PIGN: variants seen among roughly 807,000 people sequenced by gnomAD.
PIGN encodes the protein GPI ethanolamine phosphate transferase 1.
In PIGN, 117 loss-of-function variants were observed where a neutral mutation model predicts 125.4. That is an observed-to-expected ratio of 0.93 (90% CI 0.80 to 1.09). PIGN has a LOEUF of 1.09. PIGN is among the 50% of genes least tolerant of loss of function. PIGN has a pLI of 0.00. For missense variants in PIGN, 1,075 were observed against 1,094.9 expected (o/e 0.98, Z 0.26); for synonymous variants, 392 against 377.8 (o/e 1.04, Z -0.44).
chr18:62,069,799 G>A (rs899940432), intron 30 of PIGN: 1 of 152,164 alleles, frequency 6.6e-6, no homozygotes, highest in African/African-American at 2.4e-5. Flanking sequence ...CCATGTGAAT[G>A]TATACTTAAT....
intron 8 of PIGN, among the ~76,000 whole-genome samples, chr18:62,148,007 C>T (rs978393326): frequency 2.0e-5 from 3 of 151,860 alleles, no homozygotes; most frequent in East Asian, 1.9e-4. Flanking sequence ...ATATATTTTA[C>T]TTATATTAAT....
intron 23 of PIGN, among the ~76,000 whole-genome samples, chr18:62,023,505 C>G (rs2030079162): frequency 6.6e-6 from 1 of 152,216 alleles, no homozygotes; most frequent in African/African-American, 2.4e-5. Context: ...TTCCTCATTT[C>G]TGTCAATAAA....
rs2033572752 is a variant in PIGN, at chr18:62,084,029, C to T, written c.2502+502G>A. 2.0e-5 allele frequency among the ~76,000 whole-genome samples: 3 copies of T among 152,128 alleles called. No individual in the cohort carries two copies. The South Asian group carries it at 6.2e-4, about 32-fold the overall frequency. ...AGAGAAGAAGAACATGAATTACATT[C>T]TAATGAAGAATCTGAACCCCTGGAA... On this transcript the variant is annotated intron_variant, in intron 27 of 30. Transcript: ENST00000640252.
intron 1 of PIGN, among the ~76,000 whole-genome samples, chr18:62,181,106 C>T (rs920215290): frequency 1.3e-5 from 2 of 152,090 alleles, no homozygotes; most frequent in African/African-American, 4.8e-5. Context: ...GTAGAATTTA[C>T]TATGATAAAA....
intron 1 of PIGN, chr18:62,184,437 T>C (rs1415710792): frequency 6.6e-6 from 1 of 152,206 alleles, no homozygotes; most frequent in East Asian, 1.9e-4. Context: ...TGATCGGTAA[T>C]TTTTAATATT....
At chr18:62,093,207 A>G (rs2034042585) in intron 23 of PIGN, among the ~76,000 whole-genome samples, 1 of 152,108 alleles carries the variant, frequency 6.6e-6, no homozygotes, top group South Asian at 2.1e-4. Flanking sequence ...CTAATATTTA[A>G]AAACATAAAT....
At chr18:62,056,028 G>T (rs2031696658) in intron 30 of PIGN, among the ~76,000 whole-genome samples, 1 of 135,276 alleles carries the variant, frequency 7.4e-6, no homozygotes, top group Non-Finnish European at 1.6e-5. Context: ...TTAAGTTGGT[G>T]CAAAAGTAAT....
At chr18:62,099,128 T>C (rs553043982) in intron 22 of PIGN, among the ~76,000 whole-genome samples, 33 of 152,172 alleles carry the variant, frequency 2.2e-4, no homozygotes, top group African/African-American at 7.5e-4. Context: ...AACTCACCTT[T>C]TTAGTTAAAA....
chr18:62,128,573 A>C (rs1176561009), intron 14 of PIGN, among the ~76,000 whole-genome samples: 1 of 152,170 alleles, frequency 6.6e-6, no homozygotes, highest in African/African-American at 2.4e-5. Flanking sequence ...GCACAGCTGG[A>C]TACTCACATG....
intron 22 of PIGN, among the ~76,000 whole-genome samples, chr18:62,098,245 C>G (rs2034291781): frequency 6.6e-6 from 1 of 152,110 alleles, no homozygotes; most frequent in South Asian, 2.1e-4. Context: ...CAAGTCACTG[C>G]AAGATTTAAG....
intron 4 of PIGN, 31 bp downstream of exon 4, chr18:62,161,102 G>A (rs773421880): frequency 1.4e-6 from 2 of 1,389,954 alleles, no homozygotes; most frequent in African/African-American, 1.4e-5. Flanking sequence ...AACATTTTAA[G>A]AGATGTCTCT....
At chr18:62,180,317 T>C (rs1188567840) in intron 1 of PIGN, among the ~76,000 whole-genome samples, 1 of 152,188 alleles carries the variant, frequency 6.6e-6, no homozygotes, top group African/African-American at 2.4e-5. Context: ...TGCATGTACA[T>C]AACCTGTACT....
intron 28 of PIGN, among the ~76,000 whole-genome samples, chr18:62,076,427 A>G (rs2033175474): frequency 6.6e-6 from 1 of 152,080 alleles, no homozygotes; most frequent in African/African-American, 2.4e-5. Context: ...GTTTGTAAAT[A>G]TTTTCTCCCA....
intron 23 of PIGN, among the ~76,000 whole-genome samples, chr18:62,020,795 TAAA>T (rs58826066): frequency 0.022 from 3,102 of 141,006 alleles, 106 homozygotes; most frequent in African/African-American, 0.076. Context: ...CTAAAAATAT[TAAA>T]AAAAAAAAAA....
intron 7 of PIGN, among the ~76,000 whole-genome samples, chr18:62,149,397 G>A (rs1303065322): frequency 6.6e-6 from 1 of 152,004 alleles, no homozygotes; most frequent in Non-Finnish European, 1.5e-5. Flanking sequence ...TAAGAGAAAA[G>A]AATTAAAAGT....
chr18:62,054,026 TA>T (rs1006880461), intron 30 of PIGN, among the ~76,000 whole-genome samples: 1 of 151,406 alleles, frequency 6.6e-6, no homozygotes, highest in Non-Finnish European at 1.5e-5. Flanking sequence ...TCAAGAGAAA[TA>T]AAAAAAACAG....
intron 14 of PIGN, among the ~76,000 whole-genome samples, chr18:62,128,940 T>A (rs190984016): frequency 3.3e-5 from 5 of 152,262 alleles, no homozygotes; most frequent in Admixed American, 6.5e-5. Context: ...TACAACGATG[T>A]TTCATTGGAA....
chr18:62,123,196 G>A (rs576050151), intron 14 of PIGN, among the ~76,000 whole-genome samples: 3 of 152,114 alleles, frequency 2.0e-5, no homozygotes, highest in African/African-American at 7.2e-5. Context: ...GCCATGACTG[G>A]GCCACTATAC....
chr18:62,146,433 C>A (rs2036331179), intron 9 of PIGN, among the ~76,000 whole-genome samples: 1 of 152,192 alleles, frequency 6.6e-6, no homozygotes, highest in Non-Finnish European at 1.5e-5. Flanking sequence ...ATGGCAAGGT[C>A]TCTGGGTCCT....
Sources: gnomAD v4.1 joint callset for allele counts (sites outside exome capture counted in the v4.1 genomes callset) on GRCh38, gnomAD v4.1.1 for gene constraint, MANE v1.5 for transcripts, NCBI Gene and HGNC (gene_info 2026-07-23, HGNC 2026-07-21) for gene names.